EYA1: variants seen among roughly 807,000 people sequenced by gnomAD.
EYA1 encodes protein phosphatase EYA1.
Under a neutral mutation model 82.0 loss-of-function variants are expected in EYA1, and 16 were observed. The observed-to-expected ratio is 0.20, with a 90% confidence interval of 0.13 to 0.30. The LOEUF (loss-of-function observed/expected upper bound fraction) is 0.30, where lower values mean the gene tolerates loss of function less well. Among genes scored for constraint, EYA1 ranks in the 10% least tolerant of loss-of-function variants. The probability of loss-of-function intolerance (pLI) is 1.00; values close to 1 mark genes in which losing one functional copy is unlikely to be tolerated. For synonymous variants in EYA1, 261 were observed against 264.4 expected (o/e 0.99, Z 0.12); for missense variants, 633 against 730.7 (o/e 0.87, Z 1.54).
intron 7 of EYA1, among the ~76,000 whole-genome samples, chr8:71,307,940 A>T (rs528305410): frequency 6.6e-6 from 1 of 152,298 alleles, no homozygotes; most frequent in African/African-American, 2.4e-5. Flanking sequence ...TGTAAGAAAA[A>T]CTTCAAATTC....
At chr8:71,356,283 C>T (rs1826868117) in intron 2 of EYA1, among the ~76,000 whole-genome samples, 179 bp downstream of exon 2, 1 of 152,282 alleles carries the variant, frequency 6.6e-6, no homozygotes, top group South Asian at 2.1e-4. Context: ...CAAACCGAGG[C>T]TCCTATTCCC....
chr8:71,462,464 G>T (rs1312072723), intron 2 of EYA1, among the ~76,000 whole-genome samples: 1 of 152,162 alleles, frequency 6.6e-6, no homozygotes, highest in African/African-American at 2.4e-5. Context: ...GCCTTCCCAG[G>T]CCCTCAAGTG....
chr8:71,506,625 C>A (rs1264070750), intron 2 of EYA1, among the ~76,000 whole-genome samples: 2 of 152,112 alleles, frequency 1.3e-5, no homozygotes, highest in African/African-American at 4.8e-5. Flanking sequence ...CTAGAGCTTT[C>A]AGATAGATCT....
At chr8:71,507,326 C>T (rs1812265763) in intron 2 of EYA1, among the ~76,000 whole-genome samples, 1 of 152,202 alleles carries the variant, frequency 6.6e-6, no homozygotes, top group Non-Finnish European at 1.5e-5. Context: ...ACTATGAATA[C>T]TTCCTTTTAT....
intron 3 of EYA1, among the ~76,000 whole-genome samples, chr8:71,337,658 A>G (rs1252762781): frequency 1.3e-5 from 2 of 152,266 alleles, no homozygotes; most frequent in Non-Finnish European, 2.9e-5. Flanking sequence ...TTAAAATTAT[A>G]TCTGTATTAC....
intron 2 of EYA1, among the ~76,000 whole-genome samples, chr8:71,418,930 A>G (rs1183305133): frequency 6.6e-6 from 1 of 152,178 alleles, no homozygotes; most frequent in Non-Finnish European, 1.5e-5. Flanking sequence ...TATCTGGGGG[A>G]GAGCACCTGA....
At chr8:71,410,736 A>T (rs1339241177) in intron 2 of EYA1, among the ~76,000 whole-genome samples, 1 of 150,734 alleles carries the variant, frequency 6.6e-6, no homozygotes, top group South Asian at 2.1e-4. Context: ...AAGAGGATAG[A>T]AACAAATGGA....
At chr8:71,378,203 C>T (rs1355493445) in intron 2 of EYA1, among the ~76,000 whole-genome samples, 2 of 152,106 alleles carry the variant, frequency 1.3e-5, no homozygotes, top group African/African-American at 4.8e-5. Context: ...CCTCCCACCC[C>T]CAGTCTTCCT....
At position 71,535,939 on chromosome 8, in the gene EYA1, C is replaced by T; in HGVS notation, c.-72-91G>A. ...ACATCTGCAGCTTTCCATTTACCAG[C>T]ATGTATACACAAGTCAAGAACACTT... On this transcript the variant is annotated intron_variant, in intron 1 of 18. Transcript: ENST00000643681. The T allele has an allele frequency of 6.9e-6, 3 of 433,576 alleles. No individual in the cohort carries two copies. In the East Asian group the frequency reaches 1.0e-4, roughly 15 times the overall value. The allele number at this position is 433,576 out of a possible 1,614,324, so 26.9% of individuals were successfully genotyped here.
At chr8:71,375,976 A>T (rs1828347609) in intron 2 of EYA1, among the ~76,000 whole-genome samples, 1 of 152,148 alleles carries the variant, frequency 6.6e-6, no homozygotes, top group Non-Finnish European at 1.5e-5. Context: ...TATAATTTTG[A>T]TTAAAATGAA....
intron 7 of EYA1, among the ~76,000 whole-genome samples, chr8:71,312,788 A>G (rs1196349443): frequency 1.3e-5 from 2 of 152,238 alleles, no homozygotes; most frequent in Non-Finnish European, 2.9e-5. Context: ...AGATGTCACA[A>G]GGGAAATAAC....
At chr8:71,483,300 C>T (rs1213308339) in intron 2 of EYA1, among the ~76,000 whole-genome samples, 5 of 152,168 alleles carry the variant, frequency 3.3e-5, no homozygotes, top group African/African-American at 1.2e-4. Flanking sequence ...GTTTAAATGT[C>T]ATCTTCTCAC....
At chr8:71,200,090 T>A (rs1417425128) in intron 17 of EYA1, 1 of 155,998 alleles carries the variant, frequency 6.4e-6, no homozygotes, top group Non-Finnish European at 1.4e-5. Context: ...AGAAGTTACA[T>A]CATCCATGAA....
chr8:71,211,117 A>G, intron 17 of EYA1, 39 bp downstream of exon 17: 1 of 1,356,024 alleles, frequency 7.4e-7, no homozygotes, highest in South Asian at 1.2e-5. Context: ...AGGACTGAAA[A>G]AACAAATGAG....
At chr8:71,535,125 G>A (rs1423165423) in intron 2 of EYA1, among the ~76,000 whole-genome samples, 1 of 151,970 alleles carries the variant, frequency 6.6e-6, no homozygotes, top group Non-Finnish European at 1.5e-5. Context: ...ATAACTCAAA[G>A]GTTATTTGTA....
chr8:71,352,180 T>C (rs531477594), intron 3 of EYA1, among the ~76,000 whole-genome samples: 1 of 152,232 alleles, frequency 6.6e-6, no homozygotes, highest in Non-Finnish European at 1.5e-5. Context: ...AAAGAAGAAA[T>C]AGGAAAATCT....
At position 71,356,510 on chromosome 8, in the gene EYA1, A is replaced by G; in HGVS notation, c.-53T>C. The G allele has an allele frequency of 6.4e-7, 1 of 1,573,348 alleles. No individual in the cohort carries two copies. Among genetic ancestry groups the G allele is most frequent in the Non-Finnish European group, 8.6e-7 (1 of 1,158,294 alleles). ...ATCTGAACTGGCTTGAGATGTTTGC[A>G]CCTGTGATCAGGGGTAAAAAAATTA... is the stretch of plus-strand genomic sequence containing the variant. On this transcript the variant is annotated splice_region_variant and 5_prime_UTR_variant, in exon 2 of 18. Coordinates refer to ENST00000340726, the MANE Select transcript of EYA1 (RefSeq NM_000503.6).
intron 2 of EYA1, among the ~76,000 whole-genome samples, chr8:71,525,860 T>C (rs1813776013): frequency 1.3e-5 from 2 of 152,188 alleles, no homozygotes; most frequent in African/African-American, 2.4e-5. Context: ...TACAAAACCT[T>C]GGCTCCAGGC....
At chr8:71,495,309 T>C (rs1811331261) in intron 2 of EYA1, among the ~76,000 whole-genome samples, 1 of 152,198 alleles carries the variant, frequency 6.6e-6, no homozygotes, top group South Asian at 2.1e-4. Context: ...GTGAAATTCA[T>C]TTAGGAGTTC....
Sources: allele counts gnomAD v4.1 joint callset (sites outside exome capture counted in the v4.1 genomes callset), GRCh38; gene constraint gnomAD v4.1.1; transcripts MANE v1.5; gene names NCBI Gene and HGNC (gene_info 2026-07-23, HGNC 2026-07-21).